SDF4: variants seen among roughly 807,000 people sequenced by gnomAD.
SDF4 encodes the protein 45 kDa calcium-binding protein.
Under a neutral mutation model 34.2 loss-of-function variants are expected in SDF4, and 22 were observed. That is an observed-to-expected ratio of 0.64 (90% CI 0.46 to 0.92). The LOEUF (loss-of-function observed/expected upper bound fraction) is 0.92. Among genes scored for constraint, SDF4 ranks in the 40% least tolerant of loss-of-function variants. The pLI is 0.00. For missense variants in SDF4, 447 were observed against 499.9 expected, an observed-to-expected ratio of 0.89 and a Z score of 1.01; for synonymous variants, 236 against 203.1, an observed-to-expected ratio of 1.16 and a Z score of -1.38.
rs1254465961 is a variant in SDF4 at position 1,218,838 on chromosome 1, A to G, written c.646T>C (p.Ser216Pro). The G allele has an allele frequency of 6.2e-7, 1 of 1,601,576 alleles. No individual in the cohort carries two copies. The highest frequency in any genetic ancestry group is 1.7e-5 in the Admixed American group (1 of 59,372). Residue 216 changes from serine (S) to proline (P), a missense_variant, in exon 5 of 7, where the codon TCG becomes CCG. Transcript: ENST00000360001. The surrounding 1 kb of genome is among the most constrained non-coding windows in gnomAD (Gnocchi z 7.9). ...DLLLTEEEFL[S>P]FLHPEHSRGM... ...CGGCTGTGCTCGGGGTGGAGGAACGACAGGAACTCCTCCTCCGTCAGCAGC... is the reference window on the plus strand; with the variant it reads ...CGGCTGTGCTCGGGGTGGAGGAACGGCAGGAACTCCTCCTCCGTCAGCAGC...
chr1:1,220,293 G>A (rs1158385577), intron 4 of SDF4: 101 of 1,092,438 alleles, frequency 9.2e-5, no homozygotes, highest in Non-Finnish European at 1.1e-4. Context: ...CAGACCCAGA[G>A]AGAGGCAGCG....
intron 4 of SDF4, chr1:1,220,375 C>T (rs983659207): frequency 9.2e-5 from 105 of 1,143,050 alleles, no homozygotes; most frequent in Admixed American, 2.8e-4. Flanking sequence ...AGGTCTGAGG[C>T]GCGAGGACAG....
rs757376892 is a variant in SDF4, at chr1:1,218,889, G to T, written c.595C>A (p.Gln199Lys). 6.3e-7 allele frequency: 1 copy of T among 1,598,686 alleles called. No homozygotes were observed. Among genetic ancestry groups the T allele is most frequent in the South Asian group, 1.1e-5 (1 of 89,696 alleles). ...AGGTCTGCAGGGGGGCTGTCCGCCT[G>T]GTACCAGCGGTCCTTCAGGTTCTCC... ...VLENLKDRWY[Q>K]ADSPPADLLL... is the part of the protein sequence containing the mutation. Residue 199 changes from glutamine to lysine, a missense_variant, in exon 5 of 7, where the codon CAG becomes AAG. Transcript: ENST00000360001. This position sits in a 1 kb window ranked among gnomAD's most constrained non-coding sequence, Gnocchi z 7.9.
intron 4 of SDF4, chr1:1,219,656 C>A (rs192398389): frequency 2.2e-5 from 22 of 986,268 alleles, no homozygotes; most frequent in Non-Finnish European, 2.6e-5. Flanking sequence ...CGTGCCCACC[C>A]GGCCCCAACG....
At position 1,218,654 on chromosome 1, in the gene SDF4, A is replaced by G; in HGVS notation, c.716-21T>C. On this transcript the variant is annotated intron_variant, in intron 5 of 6. Coordinates refer to ENST00000360001, the MANE Select transcript of SDF4 (RefSeq NM_016176.6). The surrounding 1 kb of genome is among the most constrained non-coding windows in gnomAD (Gnocchi z 7.9). ...CTGGTCTGCGAGACGGGAATGGGTCAGCCCACACCCAGGCTGGGGCTCCCG... is the reference window on the plus strand; with the variant it reads ...CTGGTCTGCGAGACGGGAATGGGTCGGCCCACACCCAGGCTGGGGCTCCCG... 6.2e-7 allele frequency: 1 copy of G among 1,613,418 alleles called. No homozygotes were observed. Among genetic ancestry groups the G allele is most frequent in the South Asian group, 1.1e-5 (1 of 91,072 alleles).
chr1:1,220,480 T>TC, intron 4 of SDF4: 1 of 1,194,030 alleles, frequency 8.4e-7, no homozygotes, highest in South Asian at 1.5e-5. Flanking sequence ...CCCAGGCCCC[T>TC]CCTCCAGGAC....
At position 1,223,364 on chromosome 1, in the gene SDF4, G is replaced by A. The variant is rs1650092621; in HGVS notation, c.443-7C>T. 7 of 1,588,902 alleles carry A rather than the reference G, an allele frequency of 4.4e-6. No homozygotes were observed. Among genetic ancestry groups the A allele is most frequent in the African/African-American group, 1.3e-5 (1 of 74,664 alleles). ...TCGTCCCAAGACACGTGACCTGGAAGAGCAGATCACACCTGTCAGGGCCTC... is the reference window on the plus strand; with the variant it reads ...TCGTCCCAAGACACGTGACCTGGAAAAGCAGATCACACCTGTCAGGGCCTC... On this transcript the variant is annotated splice_polypyrimidine_tract_variant and splice_region_variant and intron_variant, in intron 3 of 6. Coordinates refer to ENST00000360001, the MANE Select transcript of SDF4 (RefSeq NM_016176.6).
chr1:1,217,655 G>A lies in SDF4; in HGVS notation c.925C>T (p.Leu309=), dbSNP rs370306848. Residue 309 remains leucine (L), a synonymous_variant, in exon 7 of 7, where the codon CTG becomes TTG. Transcript: ENST00000360001. This position sits in a 1 kb window ranked among gnomAD's most constrained non-coding sequence, Gnocchi z 8.5. ...GCGATCATCTGCTTGGCCTCGTTCA[G>A]CGCGTTGTACTCGTTCATGGGGTCC... is the stretch of plus-strand genomic sequence containing the variant. The part of the protein sequence containing the change: ...YMDPMNEYNA[L]NEAKQMIAVA... 37 of 1,613,770 alleles carry A rather than the reference G, an allele frequency of 2.3e-5. No individual in the cohort carries two copies. Among genetic ancestry groups the A allele is most frequent in the Non-Finnish European group, 3.0e-5 (35 of 1,179,974 alleles).
At chr1:1,220,433 G>A (rs1002834078) in intron 4 of SDF4, 15 of 1,181,890 alleles carry the variant, frequency 1.3e-5, no homozygotes, top group African/African-American at 1.6e-5. Flanking sequence ...ATGCAGGGAG[G>A]GGTGGGAGGT....
intron 4 of SDF4, among the ~76,000 whole-genome samples, chr1:1,222,807 A>G (rs1014871896): frequency 2.0e-5 from 3 of 152,260 alleles, no homozygotes; most frequent in African/African-American, 7.2e-5. Flanking sequence ...CCCTCCTGAC[A>G]GCCACCACCA....
chr1:1,220,936 A>C, intron 4 of SDF4: 1 of 379,072 alleles, frequency 2.6e-6, no homozygotes. Flanking sequence ...GAAAATGTAA[A>C]CCACTCTTTT....
At chr1:1,228,144 G>A (rs1047541316) in intron 2 of SDF4, among the ~76,000 whole-genome samples, 7 of 152,224 alleles carry the variant, frequency 4.6e-5, no homozygotes, top group African/African-American at 1.7e-4. Flanking sequence ...CGTGGCCGGC[G>A]TCTGCCCCTC....
chr1:1,225,875 C>G (rs549433216), intron 2 of SDF4, among the ~76,000 whole-genome samples: 104 of 152,342 alleles, frequency 6.8e-4, no homozygotes, highest in African/African-American at 2.3e-3. Flanking sequence ...GTCAAGATGT[C>G]GGCAAGGAGT....
At chr1:1,223,684 C>A (rs1557518177) in intron 3 of SDF4, 148 bp downstream of exon 3, 1 of 763,818 alleles carries the variant, frequency 1.3e-6, no homozygotes, top group Non-Finnish European at 2.1e-6. Flanking sequence ...AGCTTCCGTG[C>A]ACCCCACCAC....
In SDF4 at chr1:1,228,749, G is replaced by A; in HGVS notation, c.24C>T (p.Leu8=). ...AGAGGCAGCACGGAGCCAGGCCAAT[G>A]AGGGGACCCCACCTGGACGCCATCG... is the stretch of plus-strand genomic sequence containing the variant. MASRWGP[L]IGLAPCCLWL... Residue 8 remains leucine (L), a synonymous_variant, in exon 2 of 7, where the codon CTC becomes CTT. Transcript: ENST00000360001. 6.2e-7 allele frequency: 1 copy of A among 1,611,708 alleles called. No individual in the cohort carries two copies. The highest frequency in any genetic ancestry group is 8.5e-7 in the Non-Finnish European group (1 of 1,179,788).
rs773541868 is a variant in SDF4, at chr1:1,223,949, G to A, written c.325C>T (p.Arg109Trp). Residue 109 changes from arginine (R) to tryptophan (W), a missense_variant, in exon 3 of 7, where the codon CGG (arginine) becomes TGG (tryptophan). Transcript: ENST00000360001. ...TGCATCTCCTTGGCACTGATCTTCC[G>A]GTCAGTGTTCACATCCACCCTGCAA... ...IFSKVDVNTDRKISAKEMQRW... is the reference protein window; with the variant it reads ...IFSKVDVNTDWKISAKEMQRW... 18 of 1,611,010 alleles carry A rather than the reference G, an allele frequency of 1.1e-5. No individual in the cohort carries two copies. The highest frequency in any genetic ancestry group is 8.0e-5 in the African/African-American group (6 of 74,838).
chr1:1,223,820 C>CCCCCCCCCCCCCCA lies in SDF4; in HGVS notation c.442+11_442+12insTGGGGGGGGGGGGG. On this transcript the variant is annotated intron_variant, in intron 3 of 6. Transcript: ENST00000360001. ...GCCCACCGCCCCACCCACCCCGGCCCAGCCACAGTACCGTCCCCGTCAGGG... is the reference window on the plus strand; with the variant it reads ...GCCCACCGCCCCACCCACCCCGGCCCCCCCCCCCCCCCCAAGCCACAGTACCGTCCCCGTCAGGG... The CCCCCCCCCCCCCCA allele has an allele frequency of 6.6e-7, 1 of 1,515,854 alleles. No homozygotes were observed. The highest frequency in any genetic ancestry group is 8.9e-7 in the Non-Finnish European group (1 of 1,117,562). The allele number at this position is 1,515,854 out of a possible 1,614,324, so 93.9% of individuals were successfully genotyped here. A position where few individuals can be genotyped will look rare whatever the true frequency, so the allele number is the denominator to read the frequency against.
intron 4 of SDF4, chr1:1,220,439 G>A (rs1557515528): frequency 1.7e-6 from 2 of 1,181,644 alleles, no homozygotes; most frequent in African/African-American, 1.6e-5. Flanking sequence ...GGAGGGGTGG[G>A]AGGTCGCAGG....
At chr1:1,231,602 A>T (rs1638502109) in intron 1 of SDF4, among the ~76,000 whole-genome samples, 1 of 152,232 alleles carries the variant, frequency 6.6e-6, no homozygotes, top group Admixed American at 6.5e-5. Flanking sequence ...ACGCGAGTCC[A>T]ACCAGACCCC....
Sources: allele counts gnomAD v4.1 joint callset (sites outside exome capture counted in the v4.1 genomes callset), GRCh38; gene constraint gnomAD v4.1.1; non-coding constraint Gnocchi (gnomAD v3.1); transcripts MANE v1.5; gene names NCBI Gene and HGNC (gene_info 2026-07-23, HGNC 2026-07-21).